CHD5: variants seen among roughly 807,000 people sequenced by gnomAD.
CHD5 encodes chromodomain helicase DNA binding protein 5.
Under a neutral mutation model 230.3 loss-of-function variants are expected in CHD5, and 69 were observed. The ratio of observed to expected loss-of-function variants is 0.30; its 90% CI spans 0.25 to 0.37. The LOEUF (loss-of-function observed/expected upper bound fraction) is 0.37, where lower values mean the gene tolerates loss of function less well. Ranked by LOEUF, CHD5 falls within the 10% of genes least tolerant of loss-of-function variation. The probability of loss-of-function intolerance (pLI) is 1.00; values close to 1 mark genes in which losing one functional copy is unlikely to be tolerated. For synonymous variants in CHD5, 1,064 were observed against 1,065.9 expected (o/e 1.00, Z 0.03); for missense variants, 1,827 against 2,622.8 (o/e 0.70, Z 6.63).
rs375870740 is a variant in CHD5 at position 6,143,780 on chromosome 1, C to A, written c.2043+43G>T. On this transcript the variant is annotated intron_variant, in intron 13 of 41. Transcript: ENST00000262450. Reference sequence around the variant, plus strand: ...CACATTCAAGTCTGAGGTGGGCAGGCCCTGGCAACCCCACCCACTGCTGCC... The same window carrying A: ...CACATTCAAGTCTGAGGTGGGCAGGACCTGGCAACCCCACCCACTGCTGCC... 7.8e-6 allele frequency: 12 copies of A among 1,541,704 alleles called. No individual in the cohort carries two copies. In the African/African-American group the frequency reaches 1.6e-4, roughly 21 times the overall value.
chr1:6,124,190 G>T lies in CHD5; in HGVS notation c.4540-83C>A, dbSNP rs373297194. The T allele has an allele frequency of 2.3e-5, 30 of 1,325,034 alleles. No homozygotes were observed. The African/African-American group carries it at 2.8e-4, about 12-fold the overall frequency. 82.1% of individuals were successfully genotyped at this position (1,325,034 alleles called of 1,614,324 possible). A position where few individuals can be genotyped will look rare whatever the true frequency, so the allele number is the denominator to read the frequency against. On this transcript the variant is annotated intron_variant, in intron 30 of 41. Transcript: ENST00000262450. ...GCCCTAAGGGCCTCAGGGCAGCCAG[G>T]GGGGCTGAAAGTGTCACAGGCTTGG...
intron 1 of CHD5, among the ~76,000 whole-genome samples, chr1:6,172,281 G>A (rs181783822): frequency 1.3e-5 from 2 of 152,362 alleles, no homozygotes; most frequent in Non-Finnish European, 2.9e-5. Context: ...ATTTGTATCA[G>A]TTCAACACAG....
intron 34 of CHD5, 90 bp downstream of exon 34, chr1:6,112,819 C>T: frequency 1.0e-6 from 1 of 968,394 alleles, no homozygotes; most frequent in Non-Finnish European, 1.6e-6. Context: ...GGGGACGGCG[C>T]CTGGGAGACT....
At chr1:6,114,569 T>C (rs889840900) in intron 33 of CHD5, among the ~76,000 whole-genome samples, 4 of 151,890 alleles carry the variant, frequency 2.6e-5, no homozygotes, top group African/African-American at 9.7e-5. Context: ...CTCATAATGT[T>C]TTAAGAAAGT....
At chr1:6,163,761 C>T (rs1209152196) in intron 2 of CHD5, among the ~76,000 whole-genome samples, 1 of 152,160 alleles carries the variant, frequency 6.6e-6, no homozygotes, top group Non-Finnish European at 1.5e-5. Flanking sequence ...CCAATAAGTC[C>T]CTAACTAAGC....
At chr1:6,173,470 A>G (rs1276859185) in intron 1 of CHD5, among the ~76,000 whole-genome samples, 1 of 152,014 alleles carries the variant, frequency 6.6e-6, no homozygotes, top group African/African-American at 2.4e-5. Context: ...CAAGGCCACC[A>G]GGAGGTCAGG....
At chr1:6,137,359 G>C (rs971688104) in intron 15 of CHD5, among the ~76,000 whole-genome samples, 2 of 152,138 alleles carry the variant, frequency 1.3e-5, no homozygotes, top group African/African-American at 4.8e-5. Context: ...CGCCCACCTC[G>C]ACCTCCCATA....
Position 6,142,028 on chromosome 1 carries a change from C to T in CHD5, c.2436+100G>A. 1 of 1,095,330 alleles carries T rather than the reference C, an allele frequency of 9.1e-7. No individual in the cohort carries two copies. The highest frequency in any genetic ancestry group is 2.4e-5 in the East Asian group (1 of 41,916). The allele number at this position is 1,095,330 out of a possible 1,614,324, so 67.9% of individuals were successfully genotyped here. ...TCAGAGCCTGCCGGCCTCGGTAGCC[C>T]TCCCAGGCTGAGGGACCCCAAAGGA... On this transcript the variant is annotated intron_variant, in intron 15 of 41. Transcript: ENST00000262450. This position sits in a 1 kb window ranked among gnomAD's most constrained non-coding sequence, Gnocchi z 5.2.
chr1:6,111,951 A>G, intron 35 of CHD5, 68 bp from the exon 36 acceptor site: 3 of 1,479,496 alleles, frequency 2.0e-6, no homozygotes, highest in Non-Finnish European at 2.8e-6. Context: ...AGGCTTGGAG[A>G]GCCGCTCCCT....
intron 33 of CHD5, among the ~76,000 whole-genome samples, chr1:6,118,249 GC>G (rs1264626708): frequency 6.6e-6 from 1 of 151,952 alleles, no homozygotes; most frequent in East Asian, 1.9e-4. Context: ...GTTAGCATGT[GC>G]ACCTGTAGTC....
In CHD5 at chr1:6,136,529, G is replaced by A; in HGVS notation, c.2684C>T (p.Pro895Leu). The change falls in exon 17 of 42, where the codon CCA becomes CTA. Residue 895 changes from proline (P) to leucine (L), a missense_variant. Coordinates refer to ENST00000262450, the MANE Select transcript of CHD5 (RefSeq NM_015557.3). ...CCAGGTGACTCACTTGAACCTCTCT[G>A]GAGTCAGGAAGTTGAGGAGATGGAA... ...ELFHLLNFLT[P>L]ERFNNLEGFL... The A allele has an allele frequency of 3.1e-6, 5 of 1,613,906 alleles. No individual in the cohort carries two copies. Among genetic ancestry groups the A allele is most frequent in the Non-Finnish European group, 4.2e-6 (5 of 1,180,014 alleles).
In CHD5 at chr1:6,154,798, C is replaced by T. The variant is rs149538663; in HGVS notation, c.607G>A (p.Gly203Ser). Residue 203 changes from glycine to serine, a missense_variant, in exon 5 of 42, where the codon GGC (glycine) becomes AGC (serine). Gly to Ser is a moderately conservative substitution (Grantham distance 56). Around this residue, in one of 14 missense-constraint regions of CHD5, gnomAD observed 657 missense variants for 816.4 expected, o/e 0.80. Transcript: ENST00000262450. The surrounding 1 kb of genome is among the most constrained non-coding windows in gnomAD (Gnocchi z 7.0). ...REFSANNPFK[G>S]SSAAAAAAAV... ...GCCGCCGCTGCTGCCGCGGAGCTGC[C>T]CTTGAAGGGGTTGTTGGCGCTGAAC... is the stretch of plus-strand genomic sequence containing the variant. 1.1e-5 allele frequency: 17 copies of T among 1,613,678 alleles called. No individual in the cohort carries two copies. Among genetic ancestry groups the T allele is most frequent in the Non-Finnish European group, 1.4e-5 (17 of 1,179,990 alleles).
At chr1:6,135,492 T>C (rs1666732896) in intron 17 of CHD5, 89 bp from the exon 18 acceptor site, 1 of 1,208,020 alleles carries the variant, frequency 8.3e-7, no homozygotes. Context: ...GTAGGCCGGC[T>C]AGCTGGTGAA....
intron 17 of CHD5, 85 bp from the exon 18 acceptor site, chr1:6,135,488 C>G: frequency 4.7e-6 from 6 of 1,267,414 alleles, no homozygotes; most frequent in Non-Finnish European, 6.5e-6. Context: ...CCATGTAGGC[C>G]GGCTAGCTGG....
At chr1:6,179,333 A>G (rs540790233) in intron 1 of CHD5, among the ~76,000 whole-genome samples, 13 of 152,194 alleles carry the variant, frequency 8.5e-5, no homozygotes, top group African/African-American at 3.1e-4. Context: ...CGGCGGTCAC[A>G]GCGCACAGAG....
Position 6,146,349 on chromosome 1 carries a change from G to C in CHD5, c.1665C>G (p.Asp555Glu), listed in dbSNP as rs1666910792. ...KNDMDEPPPF[D>E]YGSGDEDGKS... ...TGCCGTCTTCATCCCCAGAGCCGTAGTCAAAGGGGGGCGGCTCATCCATGT... is the reference window on the plus strand; with the variant it reads ...TGCCGTCTTCATCCCCAGAGCCGTACTCAAAGGGGGGCGGCTCATCCATGT... The change falls in exon 11 of 42, where the codon GAC becomes GAG. Residue 555 changes from aspartate to glutamate, a missense_variant. By Grantham distance (45) the Asp-to-Glu change is conservative (BLOSUM62 2). Around this residue, in one of 14 missense-constraint regions of CHD5, gnomAD observed 657 missense variants for 816.4 expected, o/e 0.80. Coordinates refer to ENST00000262450, the MANE Select transcript of CHD5 (RefSeq NM_015557.3). This position sits in a 1 kb window ranked among gnomAD's most constrained non-coding sequence, Gnocchi z 5.1. The C allele has an allele frequency of 6.2e-7, 1 of 1,614,168 alleles. No individual in the cohort carries two copies. Among genetic ancestry groups the C allele is most frequent in the Non-Finnish European group, 8.5e-7 (1 of 1,180,034 alleles).
chr1:6,143,155 G>A (rs1434246008), intron 13 of CHD5, among the ~76,000 whole-genome samples: 3 of 151,986 alleles, frequency 2.0e-5, no homozygotes, highest in African/African-American at 7.2e-5. Context: ...TGGGCTCAAG[G>A]GATTCTCCTA....
rs971308402 is a variant in CHD5, at chr1:6,155,166, C to T, written c.507-268G>A. ...ACCCCCAAAACACCCAGCTTCCTGT[C>T]CACACCCACAGCCCACCCCCAAAAC... On this transcript the variant is annotated intron_variant, in intron 4 of 41. Coordinates refer to ENST00000262450, the MANE Select transcript of CHD5 (RefSeq NM_015557.3). This position sits in a 1 kb window ranked among gnomAD's most constrained non-coding sequence, Gnocchi z 4.0. 6.0e-5 allele frequency among the ~76,000 whole-genome samples: 8 copies of T among 133,744 alleles called. No homozygotes were observed. In the Admixed American group the frequency reaches 6.2e-4, roughly 10 times the overall value. 87.7% of individuals were successfully genotyped at this position (133,744 alleles called of 152,430 possible). A position where few individuals can be genotyped will look rare whatever the true frequency, so the allele number is the denominator to read the frequency against.
In CHD5 at chr1:6,105,494, C is replaced by T. The variant is rs1407438866; in HGVS notation, c.*47-67G>A. Reference sequence around the variant, plus strand: ...TAGGGGGCATCAGGGTGGCACCCAACAGCCTGTAGCTGCTTCTCCACCTAT... The same window carrying T: ...TAGGGGGCATCAGGGTGGCACCCAATAGCCTGTAGCTGCTTCTCCACCTAT... On this transcript the variant is annotated intron_variant, in intron 41 of 41. Coordinates refer to ENST00000262450, the MANE Select transcript of CHD5 (RefSeq NM_015557.3). The surrounding 1 kb of genome is among the most constrained non-coding windows in gnomAD (Gnocchi z 4.8). The T allele has an allele frequency of 2.3e-6, 1 of 436,030 alleles. No homozygotes were observed. Among genetic ancestry groups the T allele is most frequent in the Non-Finnish European group, 4.8e-6 (1 of 209,918 alleles). 27.0% of individuals were successfully genotyped at this position (436,030 alleles called of 1,614,324 possible). A position where few individuals can be genotyped will look rare whatever the true frequency, so the allele number is the denominator to read the frequency against.
Sources: gnomAD v4.1 joint callset for allele counts (sites outside exome capture counted in the v4.1 genomes callset) on GRCh38, gnomAD v4.1.1 for gene constraint, gnomAD v4.1.1 regional missense constraint, Gnocchi (gnomAD v3.1) non-coding constraint, MANE v1.5 for transcripts, NCBI Gene and HGNC (gene_info 2026-07-23, HGNC 2026-07-21) for gene names.